MSI2: variants seen among roughly 807,000 people sequenced by gnomAD.
MSI2 encodes the protein musashi RNA binding protein 2.
MSI2 carries 17 observed loss-of-function variants against 45.6 expected under a neutral mutation model. The ratio of observed to expected loss-of-function variants is 0.37; its 90% CI spans 0.26 to 0.56. MSI2 has a LOEUF of 0.56. Among genes scored for constraint, MSI2 ranks in the 20% least tolerant of loss-of-function variants. The pLI, the probability that MSI2 is intolerant of heterozygous loss-of-function variation, is 0.77. For synonymous variants in MSI2, 156 were observed against 158.2 expected (o/e 0.99, Z 0.11); for missense variants, 293 against 444.2 (o/e 0.66, Z 3.06).
intron 6 of MSI2, among the ~76,000 whole-genome samples, chr17:57,469,610 C>T (rs1025153064): frequency 2.8e-4 from 42 of 152,190 alleles, no homozygotes; most frequent in African/African-American, 9.9e-4. Flanking sequence ...CTCTGTTAAT[C>T]TTCAGGCCCT....
intron 5 of MSI2, among the ~76,000 whole-genome samples, chr17:57,323,129 A>G (rs1913483681): frequency 6.6e-6 from 1 of 152,164 alleles, no homozygotes; most frequent in Non-Finnish European, 1.5e-5. Context: ...GAAGCCAGAA[A>G]GAAAGATCAA....
At chr17:57,519,652 T>C (rs1178064428) in intron 6 of MSI2, among the ~76,000 whole-genome samples, 1 of 152,218 alleles carries the variant, frequency 6.6e-6, no homozygotes, top group East Asian at 1.9e-4. Flanking sequence ...CTCCATTTCC[T>C]TGAGGTTACC....
intron 6 of MSI2, among the ~76,000 whole-genome samples, chr17:57,515,306 C>G (rs1487258169): frequency 6.6e-6 from 1 of 152,194 alleles, no homozygotes; most frequent in African/African-American, 2.4e-5. Flanking sequence ...CGGGTTTAAG[C>G]AATTCTCCTG....
At chr17:57,698,926 T>TGTTTGTGCGC in the MSI2 span, among the ~76,000 whole-genome samples, 5 of 134,108 alleles carry the variant, frequency 3.7e-5, no homozygotes, top group African/African-American at 1.6e-4. Context: ...TGTGTGTGTG[T>TGTTTGTGCGC]GTGTGTGTGT....
intron 7 of MSI2, among the ~76,000 whole-genome samples, chr17:57,587,477 A>G (rs560233884): frequency 7.1e-4 from 108 of 152,256 alleles, no homozygotes; most frequent in African/African-American, 2.4e-3. Context: ...AGTTCCATGG[A>G]ACTAGATTGG....
intron 7 of MSI2, among the ~76,000 whole-genome samples, chr17:57,553,086 G>T (rs1160472194): frequency 6.6e-6 from 1 of 152,210 alleles, no homozygotes; most frequent in African/African-American, 2.4e-5. Context: ...CTATTCAAAA[G>T]TGGCATCAGA....
intron 5 of MSI2, among the ~76,000 whole-genome samples, chr17:57,377,122 G>A (rs1469561186): frequency 6.6e-6 from 1 of 152,092 alleles, no homozygotes; most frequent in Non-Finnish European, 1.5e-5. Context: ...AGGTTTCACT[G>A]TGTTTACCAG....
chr17:57,438,729 G>A (rs926810503), intron 6 of MSI2, among the ~76,000 whole-genome samples: 6 of 152,104 alleles, frequency 3.9e-5, no homozygotes, highest in Non-Finnish European at 5.9e-5. Flanking sequence ...AGTCGGAGGA[G>A]CAGAGCAGAC....
intron 5 of MSI2, among the ~76,000 whole-genome samples, chr17:57,356,217 A>G (rs1233380981): frequency 6.6e-6 from 1 of 152,162 alleles, no homozygotes; most frequent in South Asian, 2.1e-4. Context: ...GTGACGGGGA[A>G]AGAAAGGTTT....
Position 57,550,733 on chromosome 17 carries a change from G to A in MSI2, c.454+21009G>A, listed in dbSNP as rs143354426. Among the ~76,000 whole-genome samples, 5 of 152,250 alleles carry A rather than the reference G, an allele frequency of 3.3e-5. No homozygotes were observed. The East Asian group carries it at 5.8e-4, about 18-fold the overall frequency. On this transcript the variant is annotated intron_variant, in intron 7 of 13. Transcript: ENST00000284073. ...GAGATTTTCAGCCTGGGGAAGAGTCGAGGTTCAGGACATTTTTCCTTTTCC... is the reference window on the plus strand; with the variant it reads ...GAGATTTTCAGCCTGGGGAAGAGTCAAGGTTCAGGACATTTTTCCTTTTCC...
At chr17:57,600,416 T>C (rs1409260805) in intron 8 of MSI2, among the ~76,000 whole-genome samples, 1 of 152,230 alleles carries the variant, frequency 6.6e-6, no homozygotes, top group Non-Finnish European at 1.5e-5. Flanking sequence ...ATCTAGGTCT[T>C]CTGGTTCAAT....
At chr17:57,441,325 G>A (rs78822202) in intron 6 of MSI2, among the ~76,000 whole-genome samples, 2,151 of 152,182 alleles carry the variant, frequency 0.014, 53 homozygotes, top group African/African-American at 0.049. Context: ...ATGAACTCTG[G>A]TCCACCCCTC....
At chr17:57,275,936 G>T (rs1271094132) in intron 5 of MSI2, among the ~76,000 whole-genome samples, 1 of 152,122 alleles carries the variant, frequency 6.6e-6, no homozygotes, top group South Asian at 2.1e-4. Context: ...CCCTCCTTCA[G>T]TTCTCTGTGC....
At chr17:57,671,230 G>A (rs1313587989) in intron 11 of MSI2, among the ~76,000 whole-genome samples, 2 of 152,202 alleles carry the variant, frequency 1.3e-5, no homozygotes, top group Non-Finnish European at 2.9e-5. Context: ...GCCACTTAAT[G>A]CTCATAGCTC....
chr17:57,400,203 G>A lies in MSI2; in HGVS notation c.313-1176G>A, dbSNP rs147706095. Reference sequence around the variant, plus strand: ...TTATTTTCTTGATTTTGGCTCCTACGTGTAAGATTTTGGTTCCCACTCTGA... The same window carrying A: ...TTATTTTCTTGATTTTGGCTCCTACATGTAAGATTTTGGTTCCCACTCTGA... On this transcript the variant is annotated intron_variant, in intron 5 of 13. Coordinates refer to ENST00000284073, the MANE Select transcript of MSI2 (RefSeq NM_138962.4). Among the ~76,000 whole-genome samples, 228 of 150,314 alleles carry A rather than the reference G, an allele frequency of 1.5e-3. 1 individual carries two copies. The highest frequency in any genetic ancestry group is 3.5e-3 in the Middle Eastern group (1 of 282).
chr17:57,679,105 T>C (rs1408448313), intron 13 of MSI2, among the ~76,000 whole-genome samples: 32 of 152,264 alleles, frequency 2.1e-4, no homozygotes. Context: ...TCGATGGGTA[T>C]CTAATAAAGG....
At chr17:57,505,333 G>A (rs549659157) in intron 6 of MSI2, among the ~76,000 whole-genome samples, 349 of 152,222 alleles carry the variant, frequency 2.3e-3, no homozygotes, top group Middle Eastern at 6.8e-3. Context: ...AGTTTTATGG[G>A]GTGAGAGAAG....
chr17:57,459,408 A>G (rs980134684), intron 6 of MSI2, among the ~76,000 whole-genome samples: 1 of 152,112 alleles, frequency 6.6e-6, no homozygotes, highest in Admixed American at 6.6e-5. Context: ...GAAGGGAGAG[A>G]TTTTAATCAT....
At chr17:57,602,267 C>T (rs191964881) in intron 8 of MSI2, among the ~76,000 whole-genome samples, 2 of 151,662 alleles carry the variant, frequency 1.3e-5, no homozygotes, top group Non-Finnish European at 2.9e-5. Flanking sequence ...ATTTTATGTG[C>T]GGCTGAAGAC....
Sources: gnomAD v4.1 joint callset for allele counts (sites outside exome capture counted in the v4.1 genomes callset) on GRCh38, gnomAD v4.1.1 for gene constraint, MANE v1.5 for transcripts, NCBI Gene and HGNC (gene_info 2026-07-23, HGNC 2026-07-21) for gene names.